The following SMUG1 variants were observed in gnomAD, a reference collection of about 807,000 sequenced individuals.
SMUG1 encodes the protein single-strand selective monofunctional uracil DNA glycosylase.
In SMUG1, 13 loss-of-function variants were observed where a neutral mutation model predicts 23.9. That is an observed-to-expected ratio of 0.54 (90% CI 0.35 to 0.86). The LOEUF (loss-of-function observed/expected upper bound fraction) is 0.86, where lower values mean the gene tolerates loss of function less well. Among genes scored for constraint, SMUG1 ranks in the 40% least tolerant of loss-of-function variants. SMUG1 has a pLI of 0.01. For missense variants in SMUG1, 313 were observed against 339.5 expected, an observed-to-expected ratio of 0.92 and a Z score of 0.61; for synonymous variants, 133 against 139.8, an observed-to-expected ratio of 0.95 and a Z score of 0.34.
intron 2 of SMUG1, among the ~76,000 whole-genome samples, chr12:54,185,766 G>A (rs1366821745): frequency 4.6e-5 from 7 of 151,482 alleles, no homozygotes; most frequent in Non-Finnish European, 7.4e-5. Context: ...GCAGTGAGCC[G>A]AGATTGTGCC....
At position 54,183,922 on chromosome 12, in the gene SMUG1, G is replaced by C; in HGVS notation, c.19C>G (p.Leu7Val). The C allele has an allele frequency of 6.3e-7, 1 of 1,580,960 alleles. No homozygotes were observed. The highest frequency in any genetic ancestry group is 8.6e-7 in the Non-Finnish European group (1 of 1,163,636). Residue 7 changes from leucine to valine, a missense_variant, in exon 3 of 4, where the codon CTG (leucine) becomes GTG (valine). Leu to Val is a conservative substitution (Grantham distance 32). Transcript: ENST00000682136. Reference protein sequence around the residue: MPQAFLLGSIHEPAGAL... With the variant: MPQAFLVGSIHEPAGAL... ...CCTGCAGGCTCATGGATGGACCCCA[G>C]CAGGAAAGCCTGGGGCATATGTCCA...
chr12:54,172,024 C>T lies in SMUG1; in HGVS notation c.*52+1G>A. The T allele has an allele frequency of 8.8e-6, 4 of 452,492 alleles. No homozygotes were observed. The Admixed American group carries it at 9.4e-5, about 11-fold the overall frequency. 28.0% of individuals were successfully genotyped at this position (452,492 alleles called of 1,614,324 possible). A position where few individuals can be genotyped will look rare whatever the true frequency, so the allele number is the denominator to read the frequency against. On this transcript the variant is annotated splice_donor_variant and NMD_transcript_variant, in intron 3 of 4. Coordinates refer to the SMUG1 transcript ENST00000509864. Reference sequence around the variant, plus strand: ...TGGTCCTGGCCCTCATCCCCTCTTACCTGATACTGCAATCAGCTCCTGACT... The same window carrying T: ...TGGTCCTGGCCCTCATCCCCTCTTATCTGATACTGCAATCAGCTCCTGACT...
rs374588806 is a variant in SMUG1 at position 54,158,992 on chromosome 12, T to C, written n.687+6382A>G. Reference sequence around the variant, plus strand: ...TCATTCATTTAATATCCTATCCCAGTTTCCCAAGTCACTTATGATGCACTT... The same window carrying C: ...TCATTCATTTAATATCCTATCCCAGCTTCCCAAGTCACTTATGATGCACTT... On this transcript the variant is annotated intron_variant and non_coding_transcript_variant, in intron 4 of 5. Transcript: ENST00000634429. Among the ~76,000 whole-genome samples the C allele has an allele frequency of 2.2e-3, 337 of 152,224 alleles. 7 individuals are homozygous for C. In the South Asian group the frequency reaches 0.053, roughly 24 times the overall value.
intron 3 of SMUG1, among the ~76,000 whole-genome samples, chr12:54,166,971 C>T (rs1350049414): frequency 6.6e-6 from 1 of 152,180 alleles, no homozygotes; most frequent in Non-Finnish European, 1.5e-5. Context: ...AAGGCTGACA[C>T]CCAGTCTGGC....
downstream of SMUG1, among the ~76,000 whole-genome samples, chr12:54,180,060 C>T (rs1452414665): frequency 6.6e-6 from 1 of 152,190 alleles, no homozygotes; most frequent in East Asian, 1.9e-4. Context: ...AAATCATCGG[C>T]ATGTGGCTGA....
chr12:54,167,847 C>G (rs1808890635), intron 3 of SMUG1, among the ~76,000 whole-genome samples: 1 of 152,212 alleles, frequency 6.6e-6, no homozygotes, highest in African/African-American at 2.4e-5. Context: ...CCATCCTCCT[C>G]TAAAGCCAGA....
chr12:54,182,824 G>A lies in SMUG1; in HGVS notation c.286-201C>T, dbSNP rs189057747. On this transcript the variant is annotated intron_variant, in intron 3 of 3. Transcript: ENST00000682136. The stretch of plus-strand genomic sequence containing the variant: ...TTTTTCCAGTTCTTCATTGTGAACC[G>A]TGGTCCAGAAGAATTTGTTTCCCTC... 216 of 1,085,304 alleles carry A rather than the reference G, an allele frequency of 2.0e-4. 2 individuals carry two copies. Among genetic ancestry groups the A allele is most frequent in the South Asian group, 1.0e-3 (58 of 55,300 alleles). 67.2% of individuals were successfully genotyped at this position (1,085,304 alleles called of 1,614,324 possible).
chr12:54,171,653 CT>C (rs1369282327), intron 3 of SMUG1, among the ~76,000 whole-genome samples: 1 of 140,916 alleles, frequency 7.1e-6, no homozygotes, highest in Non-Finnish European at 1.5e-5. Context: ...TGCCACTGCA[CT>C]CCAGCCTGGC....
chr12:54,163,283 G>T (rs1940332251), downstream of SMUG1: 1 of 152,196 alleles, frequency 6.6e-6, no homozygotes, highest in Admixed American at 6.5e-5. Context: ...TGAAGCCAAA[G>T]TGCCTGGGCT....
At chr12:54,184,026 C>T in intron 2 of SMUG1, 67 bp from the exon 3 acceptor site, 1 of 1,326,850 alleles carries the variant, frequency 7.5e-7, no homozygotes, top group Non-Finnish European at 1.0e-6. Flanking sequence ...TCCATGCTTG[C>T]CAGGGCCCCC....
chr12:54,173,887 G>C (rs550075120), intron 2 of SMUG1, among the ~76,000 whole-genome samples: 1 of 151,506 alleles, frequency 6.6e-6, no homozygotes, highest in South Asian at 2.1e-4. Context: ...CAAACACAGA[G>C]GCTACACAAA....
intron 2 of SMUG1, chr12:54,172,937 G>C (rs1462367579): frequency 6.6e-6 from 1 of 152,472 alleles, no homozygotes; most frequent in African/African-American, 2.4e-5. Context: ...TTCCCCACGG[G>C]CACACAGGTG....
At chr12:54,175,372 T>C (rs548964384), downstream of SMUG1, among the ~76,000 whole-genome samples, 12 of 152,358 alleles carry the variant, frequency 7.9e-5, no homozygotes, top group South Asian at 1.4e-3. Context: ...TCATCTTCCA[T>C]AGGGCCACAC....
chr12:54,160,194 AG>A (rs1165616689), downstream of SMUG1, among the ~76,000 whole-genome samples: 2 of 152,216 alleles, frequency 1.3e-5, no homozygotes, highest in Non-Finnish European at 2.9e-5. Context: ...AGAAAAGAGG[AG>A]GGGTGGCTCT....
intron 2 of SMUG1, among the ~76,000 whole-genome samples, chr12:54,173,644 G>A (rs1270842268): frequency 6.6e-6 from 1 of 152,202 alleles, no homozygotes; most frequent in Non-Finnish European, 1.5e-5. Context: ...GATTGCGGAG[G>A]AGCTGGGGGC....
rs1941152808 is a variant in SMUG1, at chr12:54,181,925, A to G, written c.*171T>C. The G allele has an allele frequency of 8.3e-6, 12 of 1,454,348 alleles. No homozygotes were observed. Among genetic ancestry groups the G allele is most frequent in the South Asian group, 3.1e-5 (2 of 65,452 alleles). The allele number at this position is 1,454,348 out of a possible 1,614,324, so 90.1% of individuals were successfully genotyped here. ...AGGAGGGCAAACAGGAGTAGTGTCA[A>G]AACTGCCATGGCAGGTTGGAAGACA... On this transcript the variant is annotated 3_prime_UTR_variant, in exon 4 of 4. Coordinates refer to ENST00000682136, the MANE Select transcript of SMUG1 (RefSeq NM_001243787.2).
At chr12:54,176,918 C>G (rs1213329647), downstream of SMUG1, among the ~76,000 whole-genome samples, 3 of 151,816 alleles carry the variant, frequency 2.0e-5, no homozygotes, top group Non-Finnish European at 2.9e-5. Context: ...CCAAGCACAC[C>G]CTTGGTCTCC....
chr12:54,188,309 A>C lies in SMUG1; in HGVS notation c.-103-407T>G, dbSNP rs1233993874. 2.2e-5 allele frequency among the ~76,000 whole-genome samples: 3 copies of C among 134,906 alleles called. No individual in the cohort carries two copies. The South Asian group carries it at 7.3e-4, about 33-fold the overall frequency. The allele number at this position is 134,906 out of a possible 152,430, so 88.5% of individuals were successfully genotyped here. A position where few individuals can be genotyped will look rare whatever the true frequency, so the allele number is the denominator to read the frequency against. ...ATAATAATAATAAATAATAATAATA[A>C]TAATAATAATAATAATAATAATAAT... On this transcript the variant is annotated intron_variant, in intron 1 of 3. Coordinates refer to ENST00000682136, the MANE Select transcript of SMUG1 (RefSeq NM_001243787.2).
chr12:54,166,565 G>A (rs1940470844), intron 3 of SMUG1, among the ~76,000 whole-genome samples: 1 of 152,144 alleles, frequency 6.6e-6, no homozygotes, highest in Non-Finnish European at 1.5e-5. Context: ...AGCCAGTCTT[G>A]GTCTAGCCCT....
Sources: gnomAD v4.1 joint callset for allele counts (sites outside exome capture counted in the v4.1 genomes callset) on GRCh38, gnomAD v4.1.1 for gene constraint, MANE v1.5 for transcripts, NCBI Gene and HGNC (gene_info 2026-07-23, HGNC 2026-07-21) for gene names.